The following HIBADH variants were observed in gnomAD, a reference collection of about 807,000 sequenced individuals.
The protein encoded by HIBADH is 3-hydroxyisobutyrate dehydrogenase, mitochondrial.
Under a neutral mutation model 36.1 loss-of-function variants are expected in HIBADH, and 25 were observed. The observed-to-expected ratio is 0.69, with a 90% CI of 0.50 to 0.97. HIBADH has a LOEUF of 0.97. Ranked by LOEUF, HIBADH falls within the 50% of genes least tolerant of loss-of-function variation. The pLI is 0.00. For synonymous variants in HIBADH, 160 were observed against 149.5 expected (o/e 1.07, Z -0.51); for missense variants, 421 against 418.0 (o/e 1.01, Z -0.06).
rs1194775035 is a variant in HIBADH, at chr7:27,563,041, A to G, written c.485-19941T>C. On this transcript the variant is annotated intron_variant, in intron 4 of 7. Transcript: ENST00000265395. ...ACGAAATAATTCTCTCACCCCCAGA[A>G]GTTCTCTCATGCTACCCCTTTGTGG... 5.3e-5 allele frequency among the ~76,000 whole-genome samples: 8 copies of G among 152,264 alleles called. No individual in the cohort carries two copies. In the East Asian group the frequency reaches 1.5e-3, roughly 29 times the overall value.
chr7:27,642,607 C>A (rs891298966), intron 2 of HIBADH, among the ~76,000 whole-genome samples: 31 of 151,088 alleles, frequency 2.1e-4, no homozygotes, highest in African/African-American at 7.5e-4. Flanking sequence ...CTGGATAAAT[C>A]CTACTTATTC....
At position 27,526,484 on chromosome 7, in the gene HIBADH, A is replaced by G. The variant is rs1783899866; in HGVS notation, c.853-112T>C. The G allele has an allele frequency of 3.8e-6, 3 of 785,612 alleles. No individual in the cohort carries two copies. In the East Asian group the frequency reaches 9.4e-5, roughly 25 times the overall value. 48.7% of individuals were successfully genotyped at this position (785,612 alleles called of 1,614,324 possible). ...AGGAAAAATGTAATCTGAAAAAATA[A>G]GATACTTATAAATACTATGGTAAGT... On this transcript the variant is annotated intron_variant, in intron 7 of 7. Transcript: ENST00000265395.
At chr7:27,558,068 T>C (rs1436422496) in intron 4 of HIBADH, among the ~76,000 whole-genome samples, 1 of 152,176 alleles carries the variant, frequency 6.6e-6, no homozygotes, top group Non-Finnish European at 1.5e-5. Context: ...CACAAACTTA[T>C]AATTCCTTAT....
intron 4 of HIBADH, among the ~76,000 whole-genome samples, chr7:27,588,800 T>C (rs1223313266): frequency 1.3e-5 from 2 of 152,232 alleles, no homozygotes; most frequent in Non-Finnish European, 2.9e-5. Context: ...ATTTTTACTT[T>C]TTAACTCTGT....
chr7:27,566,886 T>C (rs1374260292), intron 4 of HIBADH, among the ~76,000 whole-genome samples: 1 of 152,196 alleles, frequency 6.6e-6, no homozygotes, highest in East Asian at 1.9e-4. Context: ...TAAATCTTTA[T>C]GATTAAAGAA....
intron 4 of HIBADH, among the ~76,000 whole-genome samples, chr7:27,616,225 T>G (rs1033146309): frequency 6.6e-6 from 1 of 152,128 alleles, no homozygotes; most frequent in Non-Finnish European, 1.5e-5. Context: ...GAATTAAGAC[T>G]GAGAATTCAC....
At chr7:27,614,302 A>T (rs1404100015) in intron 4 of HIBADH, among the ~76,000 whole-genome samples, 1 of 152,212 alleles carries the variant, frequency 6.6e-6, no homozygotes, top group Admixed American at 6.5e-5. Flanking sequence ...TTTTAAACAT[A>T]GTATATGCCT....
chr7:27,543,140 A>G (rs375377576), intron 4 of HIBADH, 40 bp from the exon 5 acceptor site: 21 of 1,604,596 alleles, frequency 1.3e-5, no homozygotes, highest in Middle Eastern at 1.7e-4. Flanking sequence ...GCAAAAGAAT[A>G]TATTTCTTAA....
At chr7:27,594,053 TAAATA>T (rs1784986153) in intron 4 of HIBADH, among the ~76,000 whole-genome samples, 1 of 147,290 alleles carries the variant, frequency 6.8e-6, no homozygotes, top group African/African-American at 2.5e-5. Flanking sequence ...AATAAATAAA[TAAATA>T]AAATAATACC....
Position 27,532,072 on chromosome 7 carries a change from C to T in HIBADH, c.696-724G>A, listed in dbSNP as rs149503491. The stretch of plus-strand genomic sequence containing the variant: ...GGTTACTGATCCTGATAAAACAAAG[C>T]TTGCCCAAGCAGAAACATCATTTGT... On this transcript the variant is annotated intron_variant, in intron 6 of 7. Coordinates refer to ENST00000265395, the MANE Select transcript of HIBADH (RefSeq NM_152740.4). 3.2e-3 allele frequency among the ~76,000 whole-genome samples: 488 copies of T among 152,256 alleles called. 6 individuals carry two copies. The highest frequency in any genetic ancestry group is 0.011 in the African/African-American group (459 of 41,564).
At chr7:27,653,797 T>C (rs2128297565) in intron 1 of HIBADH, among the ~76,000 whole-genome samples, 1 of 151,672 alleles carries the variant, frequency 6.6e-6, no homozygotes. Flanking sequence ...AAAAGAGATA[T>C]ACCTGGTAGC....
chr7:27,530,187 A>G (rs1184899152), intron 7 of HIBADH, among the ~76,000 whole-genome samples: 1 of 144,498 alleles, frequency 6.9e-6, no homozygotes, highest in East Asian at 2.1e-4. Flanking sequence ...TGTGGTATCT[A>G]GGTATATGTA....
chr7:27,532,010 G>T (rs117231936), intron 6 of HIBADH, among the ~76,000 whole-genome samples: 4,705 of 152,232 alleles, frequency 0.031, 110 homozygotes, highest in South Asian at 0.093. Flanking sequence ...TATCTATTCA[G>T]AGACATGCAT....
intron 4 of HIBADH, among the ~76,000 whole-genome samples, chr7:27,570,720 G>A (rs1382633143): frequency 1.3e-5 from 2 of 152,076 alleles, no homozygotes; most frequent in African/African-American, 4.8e-5. Flanking sequence ...GGTGGGGGGA[G>A]TAAAAAGAAA....
intron 4 of HIBADH, among the ~76,000 whole-genome samples, chr7:27,606,964 C>T (rs1488175077): frequency 6.6e-6 from 1 of 152,122 alleles, no homozygotes; most frequent in Non-Finnish European, 1.5e-5. Flanking sequence ...GGCACCCCCA[C>T]CCCCTAACCC....
At chr7:27,598,899 A>G (rs57891871) in intron 4 of HIBADH, among the ~76,000 whole-genome samples, 2,165 of 152,202 alleles carry the variant, frequency 0.014, 37 homozygotes, top group East Asian at 0.063. Flanking sequence ...AAATACCAAC[A>G]AAGACAGGAA....
intron 4 of HIBADH, among the ~76,000 whole-genome samples, chr7:27,594,575 T>G (rs1278381439): frequency 6.6e-6 from 1 of 152,146 alleles, no homozygotes; most frequent in African/African-American, 2.4e-5. Context: ...TTCAGTGCAA[T>G]CCCAACAAAA....
chr7:27,660,986 C>T (rs372471365), intron 1 of HIBADH, among the ~76,000 whole-genome samples: 6 of 152,176 alleles, frequency 3.9e-5, no homozygotes, highest in Admixed American at 1.3e-4. Flanking sequence ...CACTAAACAG[C>T]AAATATGTCT....
At chr7:27,546,639 C>T (rs748049352) in intron 4 of HIBADH, among the ~76,000 whole-genome samples, 31 of 152,122 alleles carry the variant, frequency 2.0e-4, no homozygotes, top group Non-Finnish European at 2.4e-4. Flanking sequence ...AAGATGACAT[C>T]ACTGTGAAGA....
Sources: gnomAD v4.1 joint callset for allele counts (sites outside exome capture counted in the v4.1 genomes callset) on GRCh38, gnomAD v4.1.1 for gene constraint, MANE v1.5 for transcripts, NCBI Gene and HGNC (gene_info 2026-07-23, HGNC 2026-07-21) for gene names.